The following FOXP2 variants were observed in gnomAD, a reference collection of about 807,000 sequenced individuals.
FOXP2 encodes the protein forkhead box P2.
Under a neutral mutation model 115.8 loss-of-function variants are expected in FOXP2, and 12 were observed. The ratio of observed to expected loss-of-function variants is 0.10; its 90% CI spans 0.07 to 0.17. The LOEUF (loss-of-function observed/expected upper bound fraction) is 0.17. FOXP2 is among the 10% of genes least tolerant of loss of function. FOXP2 has a pLI of 1.00. For synonymous variants in FOXP2, 328 were observed against 297.7 expected (o/e 1.10, Z -1.05); for missense variants, 629 against 843.5 (o/e 0.75, Z 3.15).
chr7:114,692,599 T>A lies in FOXP2; in HGVS notation c.*2673T>A, dbSNP rs949997064. On this transcript the variant is annotated 3_prime_UTR_variant, in exon 17 of 17. Coordinates refer to ENST00000350908, the MANE Select transcript of FOXP2 (RefSeq NM_014491.4). ...TTGCTAGTAATAGCAAATCTGCTTT[T>A]CTGCATCTGCTTTGCGTAGCTATTG... The A allele has an allele frequency of 2.2e-6, 1 of 451,804 alleles. No individual in the cohort carries two copies. The allele number at this position is 451,804 out of a possible 1,614,324, so 28.0% of individuals were successfully genotyped here.
At chr7:114,494,558 A>G (rs192910244) in intron 2 of FOXP2, among the ~76,000 whole-genome samples, 1 of 152,284 alleles carries the variant, frequency 6.6e-6, no homozygotes, top group East Asian at 1.9e-4. Flanking sequence ...AACTAAAGTA[A>G]TCTGGACCAA....
At chr7:114,518,598 G>A (rs1433548658) in intron 2 of FOXP2, among the ~76,000 whole-genome samples, 1 of 151,958 alleles carries the variant, frequency 6.6e-6, no homozygotes, top group Admixed American at 6.6e-5. Context: ...TACCTCCCAG[G>A]TTCAAGCGAT....
At chr7:114,659,151 C>T (rs919744503) in intron 11 of FOXP2, among the ~76,000 whole-genome samples, 4 of 152,170 alleles carry the variant, frequency 2.6e-5, no homozygotes, top group Admixed American at 6.5e-5. Context: ...TGAAGTACCA[C>T]GAACAACTAG....
At chr7:114,371,112 T>A (rs187181865) in intron 2 of FOXP2, among the ~76,000 whole-genome samples, 217 of 152,272 alleles carry the variant, frequency 1.4e-3, no homozygotes, top group Admixed American at 2.6e-3. Context: ...TTATTTATTT[T>A]TTTGAGATAA....
intron 11 of FOXP2, 133 bp downstream of exon 11, chr7:114,658,400 C>T: frequency 1.0e-6 from 1 of 965,278 alleles, no homozygotes; most frequent in South Asian, 1.4e-5. Flanking sequence ...TTGTTTTATT[C>T]CTGGTAAATG....
chr7:114,394,319 CAA>C (rs1045609486), intron 2 of FOXP2, among the ~76,000 whole-genome samples: 6 of 151,462 alleles, frequency 4.0e-5, no homozygotes, highest in Non-Finnish European at 8.8e-5. Context: ...AAGTAAATAA[CAA>C]ATAATTACAA....
chr7:114,326,801 A>G (rs1797565548), intron 2 of FOXP2, among the ~76,000 whole-genome samples: 1 of 152,198 alleles, frequency 6.6e-6, no homozygotes, highest in Non-Finnish European at 1.5e-5. Flanking sequence ...TTGAGGAAAT[A>G]TTCAAATAAA....
intron 1 of FOXP2, among the ~76,000 whole-genome samples, chr7:114,235,927 A>C (rs911622918): frequency 5.3e-5 from 8 of 152,178 alleles, no homozygotes. Context: ...ACTGGAAATA[A>C]TTTCTCTCTA....
At chr7:114,466,163 C>G (rs760226771) in intron 2 of FOXP2, among the ~76,000 whole-genome samples, 13 of 152,152 alleles carry the variant, frequency 8.5e-5, no homozygotes, top group Non-Finnish European at 1.8e-4. Flanking sequence ...ACCTCAGTTC[C>G]TCACCTATGG....
chr7:114,600,474 A>G (rs190259188), intron 3 of FOXP2, among the ~76,000 whole-genome samples: 11 of 152,318 alleles, frequency 7.2e-5, no homozygotes, highest in Admixed American at 2.0e-4. Flanking sequence ...GCTGCTATAA[A>G]CATTTGTGTG....
At chr7:114,123,248 G>A (rs753280390) in intron 1 of FOXP2, among the ~76,000 whole-genome samples, 4 of 150,836 alleles carry the variant, frequency 2.7e-5, no homozygotes, top group Non-Finnish European at 4.4e-5. Flanking sequence ...AGCTTCTTGG[G>A]AGCCTGAGGC....
chr7:114,686,640 T>C lies in FOXP2; in HGVS notation c.2004-3142T>C, dbSNP rs572589809. ...CAAAATAATGTATATATCTTCATTT[T>C]CTCAAGATTGGTAAACATTTTGTTT... On this transcript the variant is annotated intron_variant, in intron 16 of 16. Coordinates refer to ENST00000350908, the MANE Select transcript of FOXP2 (RefSeq NM_014491.4). Among the ~76,000 whole-genome samples the C allele has an allele frequency of 3.2e-4, 48 of 152,332 alleles. No individual in the cohort carries two copies. The South Asian group carries it at 9.9e-3, about 32-fold the overall frequency.
chr7:114,531,250 C>A (rs941144392), intron 2 of FOXP2, among the ~76,000 whole-genome samples: 4 of 151,816 alleles, frequency 2.6e-5, no homozygotes, highest in Non-Finnish European at 5.9e-5. Flanking sequence ...GCGCAGAGAA[C>A]TTTATGAATG....
Position 114,205,898 on chromosome 7 carries a change from T to C in FOXP2, c.-102+42810T>C, listed in dbSNP as rs557561934. On this transcript the variant is annotated intron_variant, in intron 1 of 17. Transcript: ENST00000634411. ...TAAGTCCTTCATCCCAGAAGTGTGT[T>C]TGGGCAACATATCACAGCATCCACT... Among the ~76,000 whole-genome samples, 13 of 152,286 alleles carry C rather than the reference T, an allele frequency of 8.5e-5. No homozygotes were observed. In the South Asian group the frequency reaches 2.7e-3, roughly 32 times the overall value.
chr7:114,653,865 G>A, intron 9 of FOXP2, 61 bp from the exon 10 acceptor site: 6 of 1,483,346 alleles, frequency 4.0e-6, no homozygotes, highest in South Asian at 1.1e-5. Flanking sequence ...ATGTATCACT[G>A]CAATAAAATA....
Position 114,494,507 on chromosome 7 carries a change from C to T in FOXP2, c.169-40110C>T, listed in dbSNP as rs1797221021. On this transcript the variant is annotated intron_variant, in intron 2 of 16. Coordinates refer to ENST00000350908, the MANE Select transcript of FOXP2 (RefSeq NM_014491.4). ...GCTAAAACAATATTTCTCTTTTTAT[C>T]CTTGGCCAGCACCCAAGAAAACTGT... 6.6e-5 allele frequency among the ~76,000 whole-genome samples: 10 copies of T among 152,114 alleles called. No individual in the cohort carries two copies. The South Asian group carries it at 2.1e-3, about 32-fold the overall frequency.
At chr7:114,480,968 T>A (rs1039558988) in intron 2 of FOXP2, among the ~76,000 whole-genome samples, 18 of 151,276 alleles carry the variant, frequency 1.2e-4, no homozygotes, top group Non-Finnish European at 2.4e-4. Context: ...ATGAATGTGG[T>A]TTAAAATTAA....
chr7:114,191,707 C>G (rs1033720071), intron 1 of FOXP2, among the ~76,000 whole-genome samples: 6 of 152,132 alleles, frequency 3.9e-5, no homozygotes, highest in African/African-American at 1.4e-4. Flanking sequence ...ACAGTTTCCC[C>G]TATTATTAAC....
chr7:114,122,294 A>G (rs1040246118), intron 1 of FOXP2, among the ~76,000 whole-genome samples: 3 of 152,094 alleles, frequency 2.0e-5, no homozygotes, highest in Non-Finnish European at 4.4e-5. Flanking sequence ...TATATTATTG[A>G]TTCCAAATAT....
Sources: gnomAD v4.1 joint callset for allele counts (sites outside exome capture counted in the v4.1 genomes callset) on GRCh38, gnomAD v4.1.1 for gene constraint, MANE v1.5 for transcripts, NCBI Gene and HGNC (gene_info 2026-07-23, HGNC 2026-07-21) for gene names.